LRTM3: variants seen among roughly 807,000 people sequenced by gnomAD.
LRTM3 encodes the protein leucine rich repeat transmembrane protein 3, also known as leucine-rich repeat transmembrane protein 3.
At chr13:102,742,263 T>A in the LRTM3 span, 1 of 1,550,118 alleles carries the variant, frequency 6.5e-7, no homozygotes, top group Non-Finnish European at 8.7e-7. Context: ...TGGGAAACTG[T>A]TATTCTTTTT....
At chr13:102,758,958 G>T in the LRTM3 span, 1 of 1,323,436 alleles carries the variant, frequency 7.6e-7, no homozygotes, top group South Asian at 1.4e-5. Context: ...GAAAGAGACT[G>T]GTGTCTCATT....
chr13:102,743,450 T>C, the LRTM3 span: 7 of 1,550,472 alleles, frequency 4.5e-6, no homozygotes, highest in Non-Finnish European at 6.1e-6. Context: ...TTTCTTCCTA[T>C]GTTTTGTAGT....
At chr13:102,745,611 A>G in the LRTM3 span, 5 of 1,550,852 alleles carry the variant, frequency 3.2e-6, no homozygotes, top group African/African-American at 5.5e-5. Context: ...ATGTCTGAAA[A>G]TTGTTTTAAG....
At chr13:102,739,461 T>C in the LRTM3 span, 1 of 1,550,618 alleles carries the variant, frequency 6.4e-7, no homozygotes, top group East Asian at 2.4e-5. Flanking sequence ...GTTCCTGACT[T>C]ATCTTTACCT....
the LRTM3 span, chr13:102,744,940 AC>A: frequency 1.3e-6 from 2 of 1,550,506 alleles, no homozygotes; most frequent in Non-Finnish European, 1.7e-6. Context: ...CAGTTGGTAC[AC>A]CACGTTTTAT....
chr13:102,743,214 T>C, the LRTM3 span: 11 of 1,550,680 alleles, frequency 7.1e-6, no homozygotes, highest in Non-Finnish European at 9.6e-6. Context: ...GTTCTTCTCT[T>C]GTCAATGGGA....
the LRTM3 span, chr13:102,748,506 T>G: frequency 4.5e-6 from 7 of 1,550,960 alleles, no homozygotes; most frequent in Non-Finnish European, 6.1e-6. Context: ...TCCTCTCCAT[T>G]TGAAAGTTGA....
At chr13:102,749,424 C>T in the LRTM3 span, 50 of 1,551,318 alleles carry the variant, frequency 3.2e-5, no homozygotes, top group African/African-American at 4.0e-4. Context: ...AGAGTTAAAA[C>T]GAGAAATTCA....
chr13:102,738,443 G>C, the LRTM3 span: 4 of 1,550,582 alleles, frequency 2.6e-6, no homozygotes, highest in Non-Finnish European at 3.5e-6. Flanking sequence ...GCAGGCATTT[G>C]TCAGAAGCAC....
chr13:102,745,041 T>C, the LRTM3 span: 1 of 1,550,782 alleles, frequency 6.4e-7, no homozygotes, highest in Non-Finnish European at 8.7e-7. Context: ...CCATTTTGGG[T>C]CTGGAGGCAT....
At chr13:102,748,236 C>T in the LRTM3 span, 1 of 1,551,162 alleles carries the variant, frequency 6.4e-7, no homozygotes, top group Non-Finnish European at 8.7e-7. Context: ...GTGTTGCATT[C>T]CAGTTCCTCA....
the LRTM3 span, chr13:102,758,569 T>A: frequency 6.5e-7 from 1 of 1,547,088 alleles, no homozygotes; most frequent in African/African-American, 1.4e-5. Context: ...GGGGCAACTG[T>A]CTTCCGTCTA....
the LRTM3 span, chr13:102,733,050 G>A: frequency 1.9e-6 from 3 of 1,551,428 alleles, no homozygotes; most frequent in Admixed American, 3.9e-5. Flanking sequence ...ATTCCTGGTA[G>A]CATCTGTAGG....
At chr13:102,734,469 G>T in the LRTM3 span, 3 of 1,551,052 alleles carry the variant, frequency 1.9e-6, no homozygotes. Flanking sequence ...TGTTCCTTTC[G>T]TCCTTGCCCT....
At chr13:102,747,764 T>G in the LRTM3 span, 1 of 1,551,118 alleles carries the variant, frequency 6.4e-7, no homozygotes, top group Non-Finnish European at 8.7e-7. Context: ...TTGAAATGGA[T>G]CCATCATGGG....
the LRTM3 span, chr13:102,732,765 G>A: frequency 1.6e-5 from 25 of 1,551,294 alleles, no homozygotes; most frequent in South Asian, 2.4e-5. Flanking sequence ...TCTTCTTGCA[G>A]ATGTAAAGCT....
the LRTM3 span, chr13:102,740,046 G>A: frequency 6.5e-6 from 10 of 1,550,036 alleles, no homozygotes; most frequent in African/African-American, 1.4e-4. Context: ...TTACTTTCTT[G>A]CAAAATAGGC....
chr13:102,730,002 T>C, the LRTM3 span: 1 of 1,551,800 alleles, frequency 6.4e-7, no homozygotes, highest in Non-Finnish European at 8.7e-7. Flanking sequence ...TTCTCTTCAC[T>C]GAATGATACA....
chr13:102,738,166 T>C, the LRTM3 span: 2 of 1,551,080 alleles, frequency 1.3e-6, no homozygotes, highest in Non-Finnish European at 8.7e-7. Context: ...CCTTCTTTGC[T>C]TTCAGACCTT....
Sources: gnomAD v4.1 joint callset for allele counts on GRCh38, gnomAD v4.1.1 for gene constraint, MANE v1.5 for transcripts, NCBI Gene and HGNC (gene_info 2026-07-23, HGNC 2026-07-21) for gene names.